The following KLKB1 variants were observed in gnomAD, a reference collection of about 807,000 sequenced individuals.
The protein encoded by KLKB1 is kallikrein B1.
In KLKB1, 58 loss-of-function variants were observed where a neutral mutation model predicts 73.6. The ratio of observed to expected loss-of-function variants is 0.79; its 90% CI spans 0.64 to 0.98. The LOEUF (loss-of-function observed/expected upper bound fraction) is 0.98, where lower values mean the gene tolerates loss of function less well. KLKB1 is among the 50% of genes least tolerant of loss of function. The pLI, the probability that KLKB1 is intolerant of heterozygous loss-of-function variation, is 0.00. For synonymous variants in KLKB1, 280 were observed against 258.1 expected (o/e 1.08, Z -0.81); for missense variants, 737 against 763.8 (o/e 0.96, Z 0.41).
At chr4:186,248,179 C>T (rs892703441) in intron 6 of KLKB1, among the ~76,000 whole-genome samples, 30 of 151,996 alleles carry the variant, frequency 2.0e-4, no homozygotes, top group African/African-American at 6.5e-4. Flanking sequence ...ACCCAGGAAG[C>T]GGAGCTTGCA....
intron 6 of KLKB1, among the ~76,000 whole-genome samples, 166 bp downstream of exon 6, chr4:186,238,531 G>A (rs1345397783): frequency 6.6e-6 from 1 of 152,146 alleles, no homozygotes; most frequent in Non-Finnish European, 1.5e-5. Context: ...AGTTTACTCT[G>A]GATTTTCTGA....
chr4:186,245,594 C>T (rs1738288019), intron 6 of KLKB1, among the ~76,000 whole-genome samples: 1 of 152,104 alleles, frequency 6.6e-6, no homozygotes, highest in Non-Finnish European at 1.5e-5. Flanking sequence ...TGGAGGAGGT[C>T]CTGTAGGAAT....
chr4:186,235,179 T>G (rs151059385), intron 4 of KLKB1, among the ~76,000 whole-genome samples: 12 of 152,202 alleles, frequency 7.9e-5, no homozygotes, highest in African/African-American at 2.7e-4. Flanking sequence ...AAAAGATCAA[T>G]TTTTATGTTA....
At chr4:186,236,025 A>C (rs1181359163) in intron 4 of KLKB1, among the ~76,000 whole-genome samples, 1 of 151,420 alleles carries the variant, frequency 6.6e-6, no homozygotes, top group East Asian at 1.9e-4. Context: ...GAGGCAGGAG[A>C]ATGGCGTGAA....
At chr4:186,239,975 G>T (rs1274492580) in intron 6 of KLKB1, among the ~76,000 whole-genome samples, 1 of 147,924 alleles carries the variant, frequency 6.8e-6, no homozygotes. Context: ...AGAGTTATAG[G>T]TACAGTGATA....
intron 6 of KLKB1, among the ~76,000 whole-genome samples, chr4:186,248,204 C>T (rs1043893982): frequency 1.3e-5 from 2 of 151,762 alleles, no homozygotes; most frequent in Non-Finnish European, 2.9e-5. Context: ...GCCAAGATTG[C>T]GCCACTGCAC....
chr4:186,215,262 A>T (rs4862667), intron 2 of KLKB1, among the ~76,000 whole-genome samples: 1 of 148,974 alleles, frequency 6.7e-6, no homozygotes, highest in East Asian at 2.0e-4. Context: ...AAAAAAAAAT[A>T]TGTAGGCACA....
chr4:186,218,380 C>A (rs1736956145), intron 2 of KLKB1, among the ~76,000 whole-genome samples: 2 of 152,162 alleles, frequency 1.3e-5, no homozygotes, highest in South Asian at 4.1e-4. Flanking sequence ...GATGAGGTTT[C>A]AACTACATGC....
chr4:186,222,466 T>A (rs1214255283), upstream of KLKB1, among the ~76,000 whole-genome samples: 1 of 152,228 alleles, frequency 6.6e-6, no homozygotes, highest in East Asian at 1.9e-4. Context: ...GAGGTTTACA[T>A]AAAATATTTC....
At chr4:186,252,286 A>T in intron 11 of KLKB1, 101 bp downstream of exon 11, 1 of 1,298,158 alleles carries the variant, frequency 7.7e-7, no homozygotes, top group African/African-American at 1.4e-5. Flanking sequence ...ATGAATAGAG[A>T]CGTGTTAAAG....
At chr4:186,252,267 T>C (rs772055275) in intron 11 of KLKB1, 82 bp downstream of exon 11, 2 of 1,407,590 alleles carry the variant, frequency 1.4e-6, no homozygotes, top group African/African-American at 2.8e-5. Flanking sequence ...TTCACCGCCA[T>C]GTGACTTTAT....
intron 2 of KLKB1, among the ~76,000 whole-genome samples, chr4:186,217,920 G>A (rs976018520): frequency 6.6e-6 from 1 of 152,192 alleles, no homozygotes; most frequent in Non-Finnish European, 1.5e-5. Context: ...TAAAGTCTAT[G>A]TCAGAAGTGT....
At chr4:186,226,881 G>A (rs962818157), upstream of KLKB1, among the ~76,000 whole-genome samples, 3 of 152,156 alleles carry the variant, frequency 2.0e-5, no homozygotes, top group Non-Finnish European at 4.4e-5. Context: ...AGTCTTGGGG[G>A]CCAGGCTAGA....
At chr4:186,225,991 G>A (rs1331189018), upstream of KLKB1, among the ~76,000 whole-genome samples, 1 of 151,490 alleles carries the variant, frequency 6.6e-6, no homozygotes, top group South Asian at 2.1e-4. Flanking sequence ...AATTTCAAAT[G>A]ACCTGTATCT....
chr4:186,247,217 T>C (rs1483067605), intron 6 of KLKB1, among the ~76,000 whole-genome samples: 2 of 152,136 alleles, frequency 1.3e-5, no homozygotes, highest in African/African-American at 4.8e-5. Flanking sequence ...CAGCACCAAA[T>C]ATCACGTGTG....
intron 4 of KLKB1, among the ~76,000 whole-genome samples, chr4:186,235,319 C>G (rs4253251): frequency 0.83 from 126,147 of 152,166 alleles, 52,498 homozygotes; most frequent in East Asian, 0.92. Context: ...CTAAAACTCA[C>G]TGTTACTCAC....
intron 6 of KLKB1, among the ~76,000 whole-genome samples, chr4:186,247,241 A>T (rs750780823): frequency 1.3e-5 from 2 of 152,152 alleles, no homozygotes; most frequent in African/African-American, 2.4e-5. Context: ...ATGCGAAGAG[A>T]CCACCAAACA....
intron 2 of KLKB1, among the ~76,000 whole-genome samples, chr4:186,228,581 C>G (rs1737254606): frequency 6.6e-6 from 1 of 152,294 alleles, no homozygotes; most frequent in East Asian, 1.9e-4. Flanking sequence ...TTATTATCAA[C>G]AGTAAAAAAT....
At chr4:186,245,140 TG>T (rs1259010512) in intron 6 of KLKB1, among the ~76,000 whole-genome samples, 1 of 152,112 alleles carries the variant, frequency 6.6e-6, no homozygotes, top group East Asian at 1.9e-4. Context: ...AAAAGAATGT[TG>T]TCCAAGTTGG....
Sources: allele counts gnomAD v4.1 joint callset (sites outside exome capture counted in the v4.1 genomes callset), GRCh38; gene constraint gnomAD v4.1.1; transcripts MANE v1.5; gene names NCBI Gene and HGNC (gene_info 2026-07-23, HGNC 2026-07-21).